HK3: variants seen among roughly 807,000 people sequenced by gnomAD.
HK3 encodes the protein hexokinase-3.
HK3 carries 93 observed loss-of-function variants against 91.0 expected under a neutral mutation model. That is an observed-to-expected ratio of 1.02 (90% CI 0.86 to 1.21). The LOEUF (loss-of-function observed/expected upper bound fraction) is 1.21. Among genes scored for constraint, HK3 ranks in the 50% most tolerant of loss-of-function variants. HK3 has a pLI of 0.00. For missense variants in HK3, 1,235 were observed against 1,247.4 expected (o/e 0.99, Z 0.15); for synonymous variants, 519 against 516.9 (o/e 1.00, Z -0.06).
intron 3 of HK3, 47 bp downstream of exon 3, chr5:176,891,341 G>C: frequency 6.2e-7 from 1 of 1,608,232 alleles, no homozygotes; most frequent in Non-Finnish European, 8.5e-7. Flanking sequence ...CCCTAGATCA[G>C]TACCCTCTTC....
At position 176,887,033 on chromosome 5, in the gene HK3, G is replaced by A. The variant is rs779857825; in HGVS notation, c.1826C>T (p.Ser609Phe). 40 of 1,614,048 alleles carry A rather than the reference G, an allele frequency of 2.5e-5. No individual in the cohort carries two copies. Among genetic ancestry groups the A allele is most frequent in the Non-Finnish European group, 3.3e-5 (39 of 1,180,030 alleles). ...GQSLPLGFTF[S>F]FPCRQLGLDQ... is the part of the protein sequence containing the mutation. ...TAGGCCAAGCTGCCTACATGGGAAG[G>A]AGAAGGTAAAACCCAGTGGGAGGCT... The change falls in exon 13 of 19, where the codon TCC becomes TTC. Residue 609 changes from serine to phenylalanine, a missense_variant. Around this residue, in one of 3 missense-constraint regions of HK3, gnomAD observed 513 missense variants for 477.4 expected, o/e 1.07. Transcript: ENST00000292432. The surrounding 1 kb of genome is among the most constrained non-coding windows in gnomAD (Gnocchi z 4.9).
At chr5:176,889,785 G>T in intron 6 of HK3, 41 bp from the exon 7 acceptor site, 3 of 1,565,950 alleles carry the variant, frequency 1.9e-6, no homozygotes, top group Non-Finnish European at 2.6e-6. Context: ...TGGCCTGAGT[G>T]GCCAGAGGAG....
Position 176,887,265 on chromosome 5 carries a change from C to A in HK3, c.1673G>T (p.Gly558Val). 6.2e-7 allele frequency: 1 copy of A among 1,608,572 alleles called. No individual in the cohort carries two copies. The highest frequency in any genetic ancestry group is 8.5e-7 in the Non-Finnish European group (1 of 1,177,966). ...FRVLLVRVTT[G>V]VQITSEIYSI... The stretch of plus-strand genomic sequence containing the variant: ...GTAGATCTCGCTGGTGATCTGCACG[C>A]CTGTGGTCACACGTACCAGGAGGAC... Residue 558 changes from glycine (G) to valine (V), a missense_variant, in exon 12 of 19, where the codon GGC becomes GTC. This residue lies in a region of HK3 where 717 missense variants were observed against 751.6 expected (regional missense o/e 0.95). Transcript: ENST00000292432. This position sits in a 1 kb window ranked among gnomAD's most constrained non-coding sequence, Gnocchi z 4.9.
At chr5:176,882,224 T>A (rs1172882964) in intron 15 of HK3, 97 bp from the exon 16 acceptor site, 19 of 1,208,946 alleles carry the variant, frequency 1.6e-5, no homozygotes, top group Non-Finnish European at 2.1e-5. Context: ...TCGGGCTCAC[T>A]CTCTCTACCT....
chr5:176,894,434 A>G (rs1287936610), intron 2 of HK3, among the ~76,000 whole-genome samples: 2 of 152,172 alleles, frequency 1.3e-5, no homozygotes, highest in Admixed American at 6.5e-5. Flanking sequence ...AGCAGGGCAG[A>G]TGTGGGCCTG....
At position 176,881,084 on chromosome 5, in the gene HK3, T is replaced by C. The variant is rs753440559; in HGVS notation, c.2761A>G (p.Thr921Ala). 1.2e-6 allele frequency: 2 copies of C among 1,602,148 alleles called. No individual in the cohort carries two copies. Among genetic ancestry groups the C allele is most frequent in the East Asian group, 4.5e-5 (2 of 44,602 alleles). The change falls in exon 19 of 19, where the codon ACT (threonine) becomes GCT (alanine). Residue 921 changes from threonine (T) to alanine (A), a missense_variant. By Grantham distance (58) the Thr-to-Ala change is moderately conservative. Coordinates refer to ENST00000292432, the MANE Select transcript of HK3 (RefSeq NM_002115.3). ...GCCTGGAGGTTTCCTCAGACACGAG[T>C]CAACTGCGCAAGGCGGCAGGCAACA... ...TAVACRLAQL[T>A]RV
intron 15 of HK3, 31 bp from the exon 16 acceptor site, chr5:176,882,158 C>T: frequency 1.9e-6 from 3 of 1,609,820 alleles, no homozygotes; most frequent in Non-Finnish European, 1.7e-6. Context: ...GTGGAAGCTA[C>T]TTACTGATGT....
chr5:176,891,690 G>T, intron 2 of HK3, 140 bp from the exon 3 acceptor site: 1 of 816,046 alleles, frequency 1.2e-6, no homozygotes, highest in Non-Finnish European at 1.9e-6. Context: ...CCAACAGCCT[G>T]CACCCAGCTC....
In HK3 at chr5:176,883,794, G is replaced by T. The variant is rs144556523; in HGVS notation, c.2029C>A (p.Arg677Ser). The change falls in exon 15 of 19, where the codon CGT becomes AGT. Residue 677 changes from arginine to serine, a missense_variant. Arg to Ser is a moderately radical substitution (Grantham distance 110). Transcript: ENST00000292432. Reference sequence around the variant, plus strand: ...CCGACAATGAGGCCTATCTCGCAACGGGGGTCCTCATAGCCACAGGACATC... The same window carrying T: ...CCGACAATGAGGCCTATCTCGCAACTGGGGTCCTCATAGCCACAGGACATC... ...TMMSCGYEDP[R>S]CEIGLIVGTG... The T allele has an allele frequency of 2.5e-6, 4 of 1,613,838 alleles. No individual in the cohort carries two copies. The South Asian group carries it at 4.4e-5, about 18-fold the overall frequency.
At chr5:176,889,878 A>T (rs976470044) in intron 6 of HK3, 134 bp from the exon 7 acceptor site, 1 of 703,442 alleles carries the variant, frequency 1.4e-6, no homozygotes, top group African/African-American at 1.8e-5. Context: ...TGCATGCCAC[A>T]CACATTTGTG....
intron 16 of HK3, 34 bp from the exon 17 acceptor site, chr5:176,881,881 C>T: frequency 1.2e-6 from 2 of 1,612,194 alleles, no homozygotes; most frequent in Non-Finnish European, 1.7e-6. Flanking sequence ...GCAGAAGGCC[C>T]CACCAGCCAC....
rs569492404 is a variant in HK3 at position 176,887,309 on chromosome 5, G to A, written c.1629C>T (p.Leu543=). 7 of 1,613,924 alleles carry A rather than the reference G, an allele frequency of 4.3e-6. No homozygotes were observed. The highest frequency in any genetic ancestry group is 2.2e-5 in the South Asian group (2 of 91,072). The change falls in exon 12 of 19, where the codon CTC becomes CTT. Residue 543 remains leucine, a synonymous_variant. Coordinates refer to ENST00000292432, the MANE Select transcript of HK3 (RefSeq NM_002115.3). The surrounding 1 kb of genome is among the most constrained non-coding windows in gnomAD (Gnocchi z 4.9). ...SERGDFLALD[L]GGTNFRVLLV... The stretch of plus-strand genomic sequence containing the variant: ...GGAGGACACGGAAGTTCGTGCCCCC[G>A]AGGTCCAGGGCCAGGAAATCCCCTC...
Position 176,890,528 on chromosome 5 carries a change from C to T in HK3, c.630+107G>A, listed in dbSNP as rs147808637. On this transcript the variant is annotated intron_variant, in intron 6 of 18. Coordinates refer to ENST00000292432, the MANE Select transcript of HK3 (RefSeq NM_002115.3). ...GATGGAGGTTAAACTGGATGGAGGA[C>T]ATGAAGAGAAGAGGAAAGCAACTCT... 2.1e-4 allele frequency: 185 copies of T among 892,424 alleles called. No individual in the cohort carries two copies. The African/African-American group carries it at 2.6e-3, about 13-fold the overall frequency. The allele number at this position is 892,424 out of a possible 1,614,324, so 55.3% of individuals were successfully genotyped here. A position where few individuals can be genotyped will look rare whatever the true frequency, so the allele number is the denominator to read the frequency against.
chr5:176,896,206 C>T (rs748138845), intron 1 of HK3, 21 bp from the exon 2 acceptor site: 2 of 1,407,174 alleles, frequency 1.4e-6, no homozygotes, highest in Non-Finnish European at 2.0e-6. Flanking sequence ...AAAGGGACAA[C>T]CTGGGTCAAC....
rs1758699165 is a variant in HK3, at chr5:176,889,410, G to T, written c.885C>A (p.Asp295Glu). The change falls in exon 8 of 19, where the codon GAC becomes GAA. Residue 295 changes from aspartate to glutamate, a missense_variant. This residue lies in a region of HK3 where 717 missense variants were observed against 751.6 expected (regional missense o/e 0.95). Transcript: ENST00000292432. The part of the protein sequence containing the change: ...PVLTTFDHTL[D>E]HESLNPGAQR... ...GAGCACCAGGATTCAGGGACTCATG[G>T]TCCAGGGTATGGTCGAAGGTGGTCA... 3.1e-6 allele frequency: 5 copies of T among 1,614,166 alleles called. No individual in the cohort carries two copies. The highest frequency in any genetic ancestry group is 1.6e-4 in the Middle Eastern group (1 of 6,062).
At chr5:176,888,632 G>A in intron 9 of HK3, 67 bp from the exon 10 acceptor site, 1 of 1,610,666 alleles carries the variant, frequency 6.2e-7, no homozygotes, top group Non-Finnish European at 8.5e-7. Context: ...AAGCCCCATG[G>A]CTACCTTGGG....
Position 176,888,824 on chromosome 5 carries a change from C to G in HK3, c.955G>C (p.Val319Leu). The G allele has an allele frequency of 1.2e-6, 2 of 1,614,214 alleles. No individual in the cohort carries two copies. The highest frequency in any genetic ancestry group is 1.7e-6 in the Non-Finnish European group (2 of 1,180,040). The change falls in exon 9 of 19, where the codon GTG (valine) becomes CTG (leucine). Residue 319 changes from valine to leucine, a missense_variant. This residue lies in a region of HK3 where 717 missense variants were observed against 751.6 expected (regional missense o/e 0.95). Coordinates refer to ENST00000292432, the MANE Select transcript of HK3 (RefSeq NM_002115.3). ...MIGGLYLGEL[V>L]RLVLAHLARC... ...GCCAAGTGAGCCAGCACCAGCCGCA[C>G]CAGCTCACCCAGGTACAGGCCTCCG...
chr5:176,888,458 G>C lies in HK3; in HGVS notation c.1178C>G (p.Thr393Arg), dbSNP rs774008286. The change falls in exon 10 of 19, where the codon ACG becomes AGG. Residue 393 changes from threonine (T) to arginine (R), a missense_variant. Coordinates refer to ENST00000292432, the MANE Select transcript of HK3 (RefSeq NM_002115.3). ...GGCAGCACAGAGCTGGGCAGCCCGC[G>C]TGCACACGGCCGCACAGACGTGCTG... ...LVQHVCAAVC[T>R]RAAQLCAAAL... 2 of 1,555,242 alleles carry C rather than the reference G, an allele frequency of 1.3e-6. No homozygotes were observed. The highest frequency in any genetic ancestry group is 1.4e-5 in the African/African-American group (1 of 73,422).
intron 1 of HK3, among the ~76,000 whole-genome samples, chr5:176,896,592 A>G (rs556999373): frequency 6.6e-6 from 1 of 152,354 alleles, no homozygotes; most frequent in Admixed American, 6.5e-5. Flanking sequence ...ATAGATGGAC[A>G]TGCTGCTGTG....
Sources: gnomAD v4.1 joint callset for allele counts (sites outside exome capture counted in the v4.1 genomes callset) on GRCh38, gnomAD v4.1.1 for gene constraint, gnomAD v4.1.1 regional missense constraint, Gnocchi (gnomAD v3.1) non-coding constraint, MANE v1.5 for transcripts, NCBI Gene and HGNC (gene_info 2026-07-23, HGNC 2026-07-21) for gene names.